The following AKAP7 variants were observed in gnomAD, a reference collection of about 807,000 sequenced individuals.
The protein encoded by AKAP7 is A kinase (PRKA) anchor protein 7.
A neutral mutation model predicts 39.5 loss-of-function variants in AKAP7; 39 were observed. The observed-to-expected ratio is 0.99, with a 90% confidence interval of 0.76 to 1.29. AKAP7 has a LOEUF of 1.29. AKAP7 is among the 50% of genes most tolerant of loss of function. The pLI is 0.00. For missense variants in AKAP7, 414 were observed against 407.7 expected (o/e 1.02, Z -0.13); for synonymous variants, 140 against 139.1 (o/e 1.01, Z -0.05).
intron 5 of AKAP7, among the ~76,000 whole-genome samples, chr6:131,198,648 C>G (rs1319714213): frequency 1.3e-5 from 2 of 152,100 alleles, no homozygotes; most frequent in African/African-American, 4.8e-5. Context: ...GCTAATGGAA[C>G]AGTATTCCTG....
At chr6:131,240,527 G>A (rs1007558578) in intron 7 of AKAP7, among the ~76,000 whole-genome samples, 2 of 152,224 alleles carry the variant, frequency 1.3e-5, no homozygotes, top group African/African-American at 4.8e-5. Flanking sequence ...GAGGCAGGCA[G>A]GCCTCCTTGA....
chr6:131,153,418 C>T (rs1229268051), intron 2 of AKAP7, among the ~76,000 whole-genome samples: 2 of 152,142 alleles, frequency 1.3e-5, no homozygotes, highest in African/African-American at 4.8e-5. Flanking sequence ...AAACCATGTC[C>T]TACTTTATTT....
chr6:131,161,644 C>CA lies in AKAP7; in HGVS notation c.291+1486dup, dbSNP rs55744190. 4.9e-3 allele frequency among the ~76,000 whole-genome samples: 164 copies of CA among 33,620 alleles called. 28 individuals are homozygous for CA. The highest frequency in any genetic ancestry group is 0.013 in the South Asian group (6 of 470). The allele number at this position is 33,620 out of a possible 152,430, so 22.1% of individuals were successfully genotyped here. ...TGGGTGACAGAGCCAGACTGTATCT[C>CA]AAAAAAAAAAAAAAAAAAAAAAAAA... On this transcript the variant is annotated intron_variant, in intron 3 of 7. Coordinates refer to ENST00000431975, the MANE Select transcript of AKAP7 (RefSeq NM_016377.4).
chr6:131,131,582 T>C (rs1800330632), upstream of AKAP7, among the ~76,000 whole-genome samples: 1 of 152,118 alleles, frequency 6.6e-6, no homozygotes, highest in Non-Finnish European at 1.5e-5. Context: ...TGAATGTCTA[T>C]TCATTGAGAA....
At position 131,219,676 on chromosome 6, in the gene AKAP7, G is replaced by A; in HGVS notation, c.718G>A (p.Asp240Asn). 6.3e-7 allele frequency: 1 copy of A among 1,596,254 alleles called. No homozygotes were observed. Among genetic ancestry groups the A allele is most frequent in the Non-Finnish European group, 8.5e-7 (1 of 1,172,282 alleles). Reference sequence around the variant, plus strand: ...TCATTTCAAGGGAGTGAAAAAAATAGATCCTGATTTATATGAAAAGTTTAT... The same window carrying A: ...TCATTTCAAGGGAGTGAAAAAAATAAATCCTGATTTATATGAAAAGTTTAT... Reference protein sequence around the residue: ...WLRKNGVKKIDPDLYEKFISH... With the variant: ...WLRKNGVKKINPDLYEKFISH... The change falls in exon 7 of 8, where the codon GAT becomes AAT. Residue 240 changes from aspartate (D) to asparagine (N), a missense_variant. Asp to Asn is a conservative substitution (Grantham distance 23, BLOSUM62 1). Coordinates refer to ENST00000431975, the MANE Select transcript of AKAP7 (RefSeq NM_016377.4).
At chr6:131,190,591 G>A (rs1432979632) in intron 5 of AKAP7, among the ~76,000 whole-genome samples, 1 of 151,672 alleles carries the variant, frequency 6.6e-6, no homozygotes, top group Non-Finnish European at 1.5e-5. Flanking sequence ...GTTGCAGTGA[G>A]CTGAGATTGT....
At chr6:131,199,856 C>A in intron 6 of AKAP7, 1 of 369,994 alleles carries the variant, frequency 2.7e-6, no homozygotes, top group South Asian at 3.0e-5. Context: ...TGAAGAGCCT[C>A]GAGGTGGTGC....
At chr6:131,136,577 T>A (rs1039351926) in intron 1 of AKAP7, among the ~76,000 whole-genome samples, 1 of 152,228 alleles carries the variant, frequency 6.6e-6, no homozygotes, top group Non-Finnish European at 1.5e-5. Flanking sequence ...AAAAGAGCCA[T>A]ACTCCAGTTC....
At chr6:131,184,507 A>G in intron 5 of AKAP7, 1 of 689,128 alleles carries the variant, frequency 1.5e-6, no homozygotes, top group African/African-American at 1.7e-5. Flanking sequence ...TGCCGCAGAT[A>G]TCGCAACATT....
At chr6:131,146,056 C>T (rs1801459997) in intron 2 of AKAP7, among the ~76,000 whole-genome samples, 1 of 152,060 alleles carries the variant, frequency 6.6e-6, no homozygotes, top group Non-Finnish European at 1.5e-5. Flanking sequence ...TTCAGCAGTA[C>T]CCATTTATCT....
the AKAP7 span, among the ~76,000 whole-genome samples, chr6:131,126,912 C>T: frequency 1.3e-5 from 2 of 152,110 alleles, no homozygotes; most frequent in Admixed American, 1.3e-4. Context: ...AAATAATTCA[C>T]TGGGACTTAG....
At chr6:131,181,432 A>G (rs1279146843) in intron 5 of AKAP7, among the ~76,000 whole-genome samples, 3 of 152,194 alleles carry the variant, frequency 2.0e-5, no homozygotes, top group Non-Finnish European at 2.9e-5. Context: ...GCTGTGCCTC[A>G]GTCCAAGCTC....
chr6:131,266,120 C>T (rs1813778096), intron 7 of AKAP7, among the ~76,000 whole-genome samples: 1 of 152,142 alleles, frequency 6.6e-6, no homozygotes, highest in South Asian at 2.1e-4. Context: ...GCTTACTCTT[C>T]AGGAAGGAAC....
intron 5 of AKAP7, chr6:131,185,360 G>T: frequency 1.9e-6 from 1 of 526,380 alleles, no homozygotes; most frequent in Admixed American, 2.4e-5. Context: ...AGTCTGTGAG[G>T]CCAAGAAAGG....
At position 131,186,358 on chromosome 6, in the gene AKAP7, G is replaced by A. The variant is rs181599621; in HGVS notation, c.590-13103G>A. Among the ~76,000 whole-genome samples the A allele has an allele frequency of 4.9e-3, 744 of 152,246 alleles. 4 individuals are homozygous for A. The highest frequency in any genetic ancestry group is 7.3e-3 in the Non-Finnish European group (495 of 68,020). The stretch of plus-strand genomic sequence containing the variant: ...CCCCAGAAGGAGATGCTGGCATTAT[G>A]CTTCCTGTACAGCCTGCAGAACTGT... On this transcript the variant is annotated intron_variant, in intron 5 of 7. Transcript: ENST00000431975.
chr6:131,199,311 C>G (rs1807281924), intron 5 of AKAP7, 150 bp from the exon 6 acceptor site: 1 of 585,782 alleles, frequency 1.7e-6, no homozygotes, highest in Non-Finnish European at 2.9e-6. Context: ...GATTTTTTCT[C>G]TCTTTTAAAG....
intron 7 of AKAP7, among the ~76,000 whole-genome samples, chr6:131,256,975 T>C (rs551668176): frequency 3.3e-5 from 5 of 151,014 alleles, no homozygotes; most frequent in African/African-American, 9.6e-5. Context: ...AAATTCTCAA[T>C]GTCTATATGG....
At chr6:131,198,594 T>A (rs1184129514) in intron 5 of AKAP7, among the ~76,000 whole-genome samples, 3 of 152,158 alleles carry the variant, frequency 2.0e-5, no homozygotes, top group Non-Finnish European at 4.4e-5. Context: ...GCAAGACTGT[T>A]CTTTTTACCT....
intron 6 of AKAP7, among the ~76,000 whole-genome samples, chr6:131,216,990 A>G (rs1387348585): frequency 1.3e-5 from 2 of 152,106 alleles, no homozygotes; most frequent in South Asian, 2.1e-4. Context: ...AAATTTAACA[A>G]TTTTCATGAT....
Sources: gnomAD v4.1 joint callset for allele counts (sites outside exome capture counted in the v4.1 genomes callset) on GRCh38, gnomAD v4.1.1 for gene constraint, MANE v1.5 for transcripts, NCBI Gene and HGNC (gene_info 2026-07-23, HGNC 2026-07-21) for gene names.